The following ZNF609 variants were observed in gnomAD, a reference collection of about 807,000 sequenced individuals.
ZNF609 encodes the protein zinc finger protein 609.
Under a neutral mutation model 109.5 loss-of-function variants are expected in ZNF609, and 11 were observed. The ratio of observed to expected loss-of-function variants is 0.10; its 90% CI spans 0.06 to 0.17. The LOEUF (loss-of-function observed/expected upper bound fraction) is 0.17. ZNF609 is among the 10% of genes least tolerant of loss of function. ZNF609 has a pLI of 1.00. For synonymous variants in ZNF609, 646 were observed against 662.0 expected, an observed-to-expected ratio of 0.98 and a Z score of 0.37; for missense variants, 1,559 against 1,772.4, an observed-to-expected ratio of 0.88 and a Z score of 2.16.
Position 64,673,931 on chromosome 15 carries a change from G to A in ZNF609, c.1077G>A (p.Pro359=). The A allele has an allele frequency of 1.9e-6, 3 of 1,611,626 alleles. No individual in the cohort carries two copies. The highest frequency in any genetic ancestry group is 1.3e-5 in the African/African-American group (1 of 74,930). ...DWAPPRFCDS[P]TSDLEMRNGR... is the part of the protein sequence containing the mutation. ...CTTTGCCAAGGTTCTGTGACTCCCC[G>A]ACCAGTGACCTGGAAATGCGCAATG... The change falls in exon 5 of 10, where the codon CCG becomes CCA. Residue 359 remains proline, a synonymous_variant. Coordinates refer to ENST00000326648, the MANE Select transcript of ZNF609 (RefSeq NM_015042.2).
chr15:64,549,141 A>T (rs1894418981), intron 2 of ZNF609, among the ~76,000 whole-genome samples: 1 of 152,182 alleles, frequency 6.6e-6, no homozygotes, highest in Admixed American at 6.6e-5. Context: ...AAAATAAAAT[A>T]GTACCCACTG....
intron 2 of ZNF609, among the ~76,000 whole-genome samples, chr15:64,563,523 T>C (rs1381881466): frequency 6.6e-6 from 1 of 151,818 alleles, no homozygotes; most frequent in Non-Finnish European, 1.5e-5. Flanking sequence ...ACGCCTGTAA[T>C]CCCGGCACTT....
intron 2 of ZNF609, chr15:64,502,495 G>T (rs2140352457): frequency 6.6e-6 from 1 of 152,222 alleles, no homozygotes; most frequent in East Asian, 1.9e-4. Context: ...AGTATTTGAT[G>T]ATTAGTACTA....
At chr15:64,471,669 C>G (rs547054617) in intron 1 of ZNF609, among the ~76,000 whole-genome samples, 1 of 151,956 alleles carries the variant, frequency 6.6e-6, no homozygotes, top group African/African-American at 2.4e-5. Context: ...CCGCAACTTC[C>G]GCCTCCCGGT....
intron 2 of ZNF609, among the ~76,000 whole-genome samples, chr15:64,609,085 TTTC>T (rs1895665310): frequency 1.2e-4 from 4 of 32,824 alleles, no homozygotes; most frequent in South Asian, 6.2e-4. Flanking sequence ...TCTTTCTTTC[TTTC>T]TTTCTTTCTT....
intron 3 of ZNF609, among the ~76,000 whole-genome samples, chr15:64,669,434 T>C (rs1310363017): frequency 6.6e-6 from 1 of 152,232 alleles, no homozygotes; most frequent in Non-Finnish European, 1.5e-5. Context: ...GTGTGTATAT[T>C]GCTATCATTT....
rs568289730 is a variant in ZNF609, at chr15:64,498,738, A to G, written c.-127-555A>G. On this transcript the variant is annotated intron_variant, in intron 1 of 9. Coordinates refer to ENST00000326648, the MANE Select transcript of ZNF609 (RefSeq NM_015042.2). ...CCTGTCCTGAAGTTGCATTTTCCCC[A>G]GTTCTGCTTGTTTTTCTCTTTCATT... Among the ~76,000 whole-genome samples the G allele has an allele frequency of 2.6e-5, 4 of 152,214 alleles. No individual in the cohort carries two copies. In the East Asian group the frequency reaches 5.8e-4, roughly 22 times the overall value.
chr15:64,620,407 T>C (rs1368363656), intron 2 of ZNF609, among the ~76,000 whole-genome samples: 1 of 152,134 alleles, frequency 6.6e-6, no homozygotes, highest in African/African-American at 2.4e-5. Context: ...GAGGAGTGAG[T>C]AGGGAGGATC....
chr15:64,545,906 T>A (rs1894351337), intron 2 of ZNF609, among the ~76,000 whole-genome samples: 1 of 152,332 alleles, frequency 6.6e-6, no homozygotes, highest in Non-Finnish European at 1.5e-5. Context: ...GCTTACCTGC[T>A]TACCACCAGT....
At chr15:64,526,104 C>CTTTTT (rs536172253) in intron 2 of ZNF609, among the ~76,000 whole-genome samples, 4 of 132,378 alleles carry the variant, frequency 3.0e-5, no homozygotes, top group Non-Finnish European at 6.6e-5. Flanking sequence ...TTTTTCTTTT[C>CTTTTT]TTTTTTTTTT....
At chr15:64,577,602 T>G (rs1567019587) in intron 2 of ZNF609, among the ~76,000 whole-genome samples, 4 of 12,798 alleles carry the variant, frequency 3.1e-4, no homozygotes, top group South Asian at 6.5e-4. Context: ...CACATATAAA[T>G]ATATACATAT....
intron 2 of ZNF609, among the ~76,000 whole-genome samples, chr15:64,617,346 T>A (rs62023977): frequency 1.4e-4 from 21 of 151,102 alleles, no homozygotes; most frequent in Admixed American, 1.1e-3. Context: ...AAAAAAAAAT[T>A]AGCCTAGCAT....
At chr15:64,636,030 T>A (rs1033027464) in intron 3 of ZNF609, among the ~76,000 whole-genome samples, 1 of 152,312 alleles carries the variant, frequency 6.6e-6, no homozygotes, top group Non-Finnish European at 1.5e-5. Context: ...AGGTAGCTGA[T>A]TCCTCCTGGC....
rs115866490 is a variant in ZNF609, at chr15:64,536,222, A to G, written c.747+36056A>G. 4.4e-3 allele frequency among the ~76,000 whole-genome samples: 673 copies of G among 152,164 alleles called. 8 individuals are homozygous for G. The highest frequency in any genetic ancestry group is 0.015 in the African/African-American group (629 of 41,504). On this transcript the variant is annotated intron_variant, in intron 2 of 9. Coordinates refer to ENST00000326648, the MANE Select transcript of ZNF609 (RefSeq NM_015042.2). ...TTGTTTGTGGAGACAGGGTCTTACTATGTTGCTGAGGCTGGTGTTTAACTC... is the reference window on the plus strand; with the variant it reads ...TTGTTTGTGGAGACAGGGTCTTACTGTGTTGCTGAGGCTGGTGTTTAACTC...
intron 2 of ZNF609, among the ~76,000 whole-genome samples, chr15:64,538,999 T>C (rs1436499370): frequency 2.0e-5 from 3 of 151,910 alleles, no homozygotes; most frequent in East Asian, 3.9e-4. Context: ...CATGCCTGAC[T>C]GGTTTTTGTA....
At chr15:64,473,920 G>A (rs536385093) in intron 1 of ZNF609, among the ~76,000 whole-genome samples, 45 of 151,622 alleles carry the variant, frequency 3.0e-4, no homozygotes, top group African/African-American at 7.8e-4. Flanking sequence ...GATTACAGGC[G>A]CCTGTCATTG....
chr15:64,542,841 C>T (rs1054028483), intron 2 of ZNF609, among the ~76,000 whole-genome samples: 2 of 152,210 alleles, frequency 1.3e-5, no homozygotes, highest in African/African-American at 4.8e-5. Flanking sequence ...GGCTTCTGGT[C>T]TAGCATCTCT....
intron 7 of ZNF609, 50 bp from the exon 8 acceptor site, chr15:64,680,596 T>A: frequency 7.0e-7 from 1 of 1,432,644 alleles, no homozygotes; most frequent in Non-Finnish European, 9.6e-7. Context: ...TGTGGTTGTA[T>A]GCATATGTGT....
At chr15:64,481,128 C>A (rs1893245937) in intron 1 of ZNF609, among the ~76,000 whole-genome samples, 1 of 152,000 alleles carries the variant, frequency 6.6e-6, no homozygotes, top group Non-Finnish European at 1.5e-5. Flanking sequence ...GAGCTGTGAT[C>A]ATGTATATAT....
Sources: allele counts gnomAD v4.1 joint callset (sites outside exome capture counted in the v4.1 genomes callset), GRCh38; gene constraint gnomAD v4.1.1; transcripts MANE v1.5; gene names NCBI Gene and HGNC (gene_info 2026-07-23, HGNC 2026-07-21).